Variants in RBMS3 observed in about 807,000 individuals in gnomAD.
RBMS3 encodes the protein RNA-binding motif, single-stranded-interacting protein 3.
A neutral mutation model predicts 66.8 loss-of-function variants in RBMS3; 27 were observed. The ratio of observed to expected loss-of-function variants is 0.40; its 90% confidence interval spans 0.30 to 0.56. The LOEUF (loss-of-function observed/expected upper bound fraction) is 0.56. Ranked by LOEUF, RBMS3 falls within the 20% of genes least tolerant of loss-of-function variation. The pLI is 0.40. For missense variants in RBMS3, 513 were observed against 549.5 expected, an observed-to-expected ratio of 0.93 and a Z score of 0.66; for synonymous variants, 188 against 183.0, an observed-to-expected ratio of 1.03 and a Z score of -0.22.
At position 29,893,650 on chromosome 3, in the gene RBMS3, A is replaced by C. The variant is rs546624472; in HGVS notation, c.792-3729A>C. On this transcript the variant is annotated intron_variant, in intron 8 of 14. Coordinates refer to ENST00000383767, the MANE Select transcript of RBMS3 (RefSeq NM_001003793.3). ...TCTGTCAAATATAAGACCTAGAAGG[A>C]ATTTTCAAATGCAAACCTTGATTTT... 5.3e-4 allele frequency among the ~76,000 whole-genome samples: 80 copies of C among 151,622 alleles called. No individual in the cohort carries two copies. In the South Asian group the frequency reaches 0.016, roughly 31 times the overall value.
chr3:29,444,094 T>A (rs184073900), intron 2 of RBMS3, among the ~76,000 whole-genome samples: 108 of 152,216 alleles, frequency 7.1e-4, no homozygotes, highest in African/African-American at 2.5e-3. Flanking sequence ...TGATTCTAGT[T>A]TTCAAAGTGA....
At chr3:29,776,062 A>G (rs1412622648) in intron 6 of RBMS3, among the ~76,000 whole-genome samples, 1 of 152,124 alleles carries the variant, frequency 6.6e-6, no homozygotes, top group South Asian at 2.1e-4. Context: ...ACGCAACTCA[A>G]TATTTGCTTA....
intron 3 of RBMS3, among the ~76,000 whole-genome samples, chr3:29,581,063 T>G (rs2149083819): frequency 6.6e-6 from 1 of 152,300 alleles, no homozygotes; most frequent in Admixed American, 6.5e-5. Flanking sequence ...CAGTAAGCTC[T>G]TTTGTCTCTG....
At chr3:29,764,382 CTT>C (rs11479392) in intron 6 of RBMS3, among the ~76,000 whole-genome samples, 4,938 of 148,412 alleles carry the variant, frequency 0.033, 105 homozygotes, top group African/African-American at 0.054. Flanking sequence ...AGCAGAAATA[CTT>C]TTTTTTTTTT....
chr3:29,633,803 C>G (rs1354781412), intron 4 of RBMS3, among the ~76,000 whole-genome samples: 1 of 151,764 alleles, frequency 6.6e-6, no homozygotes, highest in Non-Finnish European at 1.5e-5. Flanking sequence ...ATTTCCTTAA[C>G]AGATCAAGAT....
chr3:29,971,486 A>G (rs1177456414), intron 12 of RBMS3, among the ~76,000 whole-genome samples: 1 of 152,006 alleles, frequency 6.6e-6, no homozygotes, highest in Non-Finnish European at 1.5e-5. Flanking sequence ...CTTTTCTCTT[A>G]ATTTTAATAT....
At chr3:29,309,009 G>A (rs964745676) in intron 1 of RBMS3, among the ~76,000 whole-genome samples, 3 of 151,704 alleles carry the variant, frequency 2.0e-5, no homozygotes, top group Admixed American at 2.0e-4. Flanking sequence ...AGACAAGTCA[G>A]AATTGAATTT....
chr3:29,936,211 T>C lies in RBMS3; in HGVS notation c.1050+15T>C, dbSNP rs1209025994. The C allele has an allele frequency of 1.9e-6, 3 of 1,606,608 alleles. No homozygotes were observed. Among genetic ancestry groups the C allele is most frequent in the East Asian group, 4.5e-5 (2 of 44,784 alleles). On this transcript the variant is annotated intron_variant, in intron 11 of 14. Transcript: ENST00000383767. The stretch of plus-strand genomic sequence containing the variant: ...CAACAGGAACGGTGAGTTGAAGAGA[T>C]TGTTTTGTTTCCTTGAACTTTTTTG...
chr3:29,760,260 CACACACACAT>C (rs1020184903), intron 5 of RBMS3, among the ~76,000 whole-genome samples: 24 of 150,132 alleles, frequency 1.6e-4, no homozygotes, highest in African/African-American at 4.5e-4. Context: ...TAAACACACA[CACACACACAT>C]ACACACACAC....
chr3:29,310,158 T>A (rs2034285698), intron 1 of RBMS3, among the ~76,000 whole-genome samples: 1 of 151,584 alleles, frequency 6.6e-6, no homozygotes, highest in African/African-American at 2.4e-5. Flanking sequence ...GAAAACCTAA[T>A]CCATAATCAC....
intron 4 of RBMS3, among the ~76,000 whole-genome samples, chr3:29,623,331 G>A (rs13096972): frequency 3.3e-5 from 5 of 152,004 alleles, no homozygotes; most frequent in African/African-American, 4.8e-5. Flanking sequence ...GGTGGCTCAC[G>A]CCTGTAATCC....
chr3:29,705,617 T>G (rs1264030567), intron 4 of RBMS3, among the ~76,000 whole-genome samples: 2 of 152,212 alleles, frequency 1.3e-5, no homozygotes, highest in African/African-American at 4.8e-5. Context: ...TTTTCAGTTA[T>G]TTTTAGTTAT....
intron 4 of RBMS3, 106 bp downstream of exon 4, chr3:29,587,311 A>G (rs1271925148): frequency 1.6e-6 from 1 of 619,722 alleles, no homozygotes; most frequent in Non-Finnish European, 2.4e-6. Flanking sequence ...AGGAAGGAAG[A>G]AGGAGAGATT....
chr3:30,000,001 A>G (rs1028063363), intron 14 of RBMS3, among the ~76,000 whole-genome samples: 1 of 152,110 alleles, frequency 6.6e-6, no homozygotes, highest in Non-Finnish European at 1.5e-5. Context: ...TTCATGCCTA[A>G]AACACCAAAA....
intron 3 of RBMS3, among the ~76,000 whole-genome samples, chr3:29,558,570 G>A (rs1356218983): frequency 6.6e-6 from 1 of 152,186 alleles, no homozygotes; most frequent in South Asian, 2.1e-4. Flanking sequence ...CAGATTTAGA[G>A]TAGTGTTCAT....
At chr3:29,778,444 G>C (rs9880038) in intron 6 of RBMS3, among the ~76,000 whole-genome samples, 33,745 of 138,288 alleles carry the variant, frequency 0.24, 4,515 homozygotes, top group East Asian at 0.71. Context: ...TTTTTTTTTT[G>C]TGCAAGGGGA....
At chr3:29,306,032 T>G (rs1478196113) in intron 1 of RBMS3, among the ~76,000 whole-genome samples, 1 of 151,974 alleles carries the variant, frequency 6.6e-6, no homozygotes, top group African/African-American at 2.4e-5. Context: ...CACATGTGTC[T>G]TCACACTCCC....
chr3:29,692,652 C>G (rs2052082832), intron 4 of RBMS3, among the ~76,000 whole-genome samples: 1 of 152,192 alleles, frequency 6.6e-6, no homozygotes, highest in Non-Finnish European at 1.5e-5. Flanking sequence ...ATCATTTTCT[C>G]TCCCATCATT....
chr3:29,593,191 A>G (rs991747569), intron 4 of RBMS3, among the ~76,000 whole-genome samples: 2 of 152,156 alleles, frequency 1.3e-5, no homozygotes, highest in Non-Finnish European at 2.9e-5. Flanking sequence ...TATTCAATAG[A>G]ATATTCTAGA....
Sources: gnomAD v4.1 joint callset for allele counts (sites outside exome capture counted in the v4.1 genomes callset) on GRCh38, gnomAD v4.1.1 for gene constraint, MANE v1.5 for transcripts, NCBI Gene and HGNC (gene_info 2026-07-23, HGNC 2026-07-21) for gene names.